PREPL: variants seen among roughly 807,000 people sequenced by gnomAD.
PREPL encodes prolyl endopeptidase-like.
PREPL carries 77 observed loss-of-function variants against 70.6 expected under a neutral mutation model. The ratio of observed to expected loss-of-function variants is 1.09; its 90% CI spans 0.91 to 1.32. The LOEUF is 1.32. Among genes scored for constraint, PREPL ranks in the 40% most tolerant of loss-of-function variants. The pLI, the probability that PREPL is intolerant of heterozygous loss-of-function variation, is 0.00. For missense variants in PREPL, 1,002 were observed against 778.2 expected (o/e 1.29, Z -3.42); for synonymous variants, 315 against 264.8 (o/e 1.19, Z -1.84).
chr2:44,344,321 G>A lies in PREPL; in HGVS notation c.142+199C>T, dbSNP rs145179823. ...AGATGCTCAAAAAATGCTGGATGCC[G>A]TCTCCATTCTCCCTGCCAAAGCTTC... On this transcript the variant is annotated intron_variant, in intron 3 of 13. Coordinates refer to ENST00000409411, the MANE Select transcript of PREPL (RefSeq NM_001171613.2). 3.7e-3 allele frequency among the ~76,000 whole-genome samples: 558 copies of A among 152,034 alleles called. 10 individuals are homozygous for A. Among genetic ancestry groups the A allele is most frequent in the East Asian group, 0.017 (89 of 5,170 alleles).
chr2:44,333,706 T>G (rs1303735323), intron 7 of PREPL, among the ~76,000 whole-genome samples: 2 of 152,204 alleles, frequency 1.3e-5, no homozygotes, highest in Non-Finnish European at 2.9e-5. Context: ...TGTATGCTTC[T>G]CACATTGAGG....
chr2:44,328,840 A>T, intron 9 of PREPL, 97 bp downstream of exon 9: 1 of 1,253,972 alleles, frequency 8.0e-7, no homozygotes, highest in Non-Finnish European at 1.1e-6. Flanking sequence ...AATAAGAATG[A>T]AAAAAATAAG....
chr2:44,326,761 C>A lies in PREPL; in HGVS notation c.1430G>T (p.Gly477Val). 6.2e-7 allele frequency: 1 copy of A among 1,614,132 alleles called. No homozygotes were observed. Among genetic ancestry groups the A allele is most frequent in the Non-Finnish European group, 8.5e-7 (1 of 1,180,026 alleles). Residue 477 changes from glycine to valine, a missense_variant, in exon 10 of 14, where the codon GGA becomes GTA. Gly to Val is a moderately radical substitution (Grantham distance 109, BLOSUM62 -3). Coordinates refer to ENST00000409411, the MANE Select transcript of PREPL (RefSeq NM_001171613.2). ...TAFSAGGVLA[G>V]ALCNSNPELV... ...CTCTGGATTAGAATTACACAATGCT[C>A]CTGCAAGCACCCCTCCAGCACTGAA...
chr2:44,331,839 T>C (rs1269629240), intron 8 of PREPL, among the ~76,000 whole-genome samples: 1 of 152,202 alleles, frequency 6.6e-6, no homozygotes, highest in Non-Finnish European at 1.5e-5. Flanking sequence ...CTTCACTATT[T>C]TTGCCATAAC....
At chr2:44,343,301 CT>C (rs1354317043) in intron 4 of PREPL, among the ~76,000 whole-genome samples, 1 of 152,102 alleles carries the variant, frequency 6.6e-6, no homozygotes, top group East Asian at 1.9e-4. Context: ...AATGTCACAG[CT>C]TCCATTGATA....
chr2:44,353,085 TA>T (rs1008503032), intron 1 of PREPL, among the ~76,000 whole-genome samples: 1 of 151,938 alleles, frequency 6.6e-6, no homozygotes, highest in African/African-American at 2.4e-5. Flanking sequence ...TGTCTCTATT[TA>T]AAAAAGTTTT....
At chr2:44,354,233 T>C (rs746133659) in intron 1 of PREPL, among the ~76,000 whole-genome samples, 1 of 152,182 alleles carries the variant, frequency 6.6e-6, no homozygotes, top group Non-Finnish European at 1.5e-5. Flanking sequence ...GTATGTTTTC[T>C]AGCAATAAAA....
chr2:44,355,778 TACAC>T (rs1176913177), intron 1 of PREPL, among the ~76,000 whole-genome samples: 2 of 46,514 alleles, frequency 4.3e-5, no homozygotes, highest in African/African-American at 6.0e-5. Context: ...TATATATATA[TACAC>T]ACACACACAC....
In PREPL at chr2:44,319,994, A is replaced by G; in HGVS notation, c.*1362T>C. 1 of 571,846 alleles carries G rather than the reference A, an allele frequency of 1.7e-6. No homozygotes were observed. Among genetic ancestry groups the G allele is most frequent in the Non-Finnish European group, 3.1e-6 (1 of 322,908 alleles). 35.4% of individuals were successfully genotyped at this position (571,846 alleles called of 1,614,324 possible). ...ACTGTGCGTACTTATTGACTCCCAG[A>G]CAAGCCGAAACCCCGAATTTGTCAT... On this transcript the variant is annotated 3_prime_UTR_variant, in exon 14 of 14. Transcript: ENST00000409411.
chr2:44,327,962 C>T (rs1034149107), intron 9 of PREPL, among the ~76,000 whole-genome samples: 1 of 151,620 alleles, frequency 6.6e-6, no homozygotes. Flanking sequence ...CCAGCCTGGG[C>T]AACATTGGAA....
At chr2:44,329,875 A>G (rs1309248575) in intron 8 of PREPL, among the ~76,000 whole-genome samples, 2 of 152,226 alleles carry the variant, frequency 1.3e-5, no homozygotes, top group Admixed American at 6.5e-5. Flanking sequence ...TTCACACAAA[A>G]AAGATAAAGA....
chr2:44,321,712 A>G, intron 13 of PREPL, 115 bp downstream of exon 13: 1 of 1,591,816 alleles, frequency 6.3e-7, no homozygotes, highest in Non-Finnish European at 8.6e-7. Context: ...TCTCACCCAT[A>G]GATAGGACAT....
Position 44,346,297 on chromosome 2 carries a change from GT to G in PREPL, c.45del (p.Gln16LysfsTer49). ...ACATTGATGATTTCATATTCTTCTT[GT>G]GGCTGTGTTTCTAATTTTGTTCTCA... ...EKVRTKLETQPQEEYEIINVE... is the reference protein window; with the variant it reads ...EKVRTKLETQXQEEYEIINVE... On this transcript the variant is annotated frameshift_variant, in exon 2 of 14. Transcript: ENST00000409411. LOFTEE classifies it high-confidence loss of function. The G allele has an allele frequency of 6.2e-7, 1 of 1,612,352 alleles. No homozygotes were observed. The highest frequency in any genetic ancestry group is 1.1e-5 in the South Asian group (1 of 90,962).
intron 2 of PREPL, among the ~76,000 whole-genome samples, chr2:44,345,024 C>A (rs1675640609): frequency 6.6e-6 from 1 of 152,202 alleles, no homozygotes; most frequent in Admixed American, 6.5e-5. Flanking sequence ...TTCTGAGACT[C>A]CTTCCTTTAA....
Position 44,346,957 on chromosome 2 carries a change from A to G in PREPL, c.-48-567T>C, listed in dbSNP as rs185357097. On this transcript the variant is annotated intron_variant, in intron 1 of 13. Transcript: ENST00000409411. ...TACTTTTTAAATTTTTTAAATTTAAATGGGTCTGAGAACCAAGGGATATAA... is the reference window on the plus strand; with the variant it reads ...TACTTTTTAAATTTTTTAAATTTAAGTGGGTCTGAGAACCAAGGGATATAA... Among the ~76,000 whole-genome samples, 12 of 152,308 alleles carry G rather than the reference A, an allele frequency of 7.9e-5. No homozygotes were observed. The East Asian group carries it at 2.3e-3, about 29-fold the overall frequency.
At position 44,346,253 on chromosome 2, in the gene PREPL, C is replaced by A. The variant is rs376068245; in HGVS notation, c.75+15G>T. 5 of 1,600,768 alleles carry A rather than the reference C, an allele frequency of 3.1e-6. No homozygotes were observed. The highest frequency in any genetic ancestry group is 4.3e-6 in the Non-Finnish European group (5 of 1,175,356). On this transcript the variant is annotated intron_variant, in intron 2 of 13. Transcript: ENST00000409411. ...AATATCAAAAATTTTTTTTTAAAGA[C>A]ATGAGATATCTTACTTCCACATTGA...
At chr2:44,361,758 C>A, upstream of PREPL, 1 of 520,158 alleles carries the variant, frequency 1.9e-6, no homozygotes, top group East Asian at 3.6e-5. Context: ...TGCCACAGCT[C>A]TCTCATCCTC....
At chr2:44,340,114 T>C (rs1572886097) in intron 5 of PREPL, among the ~76,000 whole-genome samples, 1 of 152,082 alleles carries the variant, frequency 6.6e-6, no homozygotes, top group Non-Finnish European at 1.5e-5. Flanking sequence ...TGAAAGTCTT[T>C]GTGATTATTA....
intron 2 of PREPL, among the ~76,000 whole-genome samples, chr2:44,345,312 T>C (rs1202764534): frequency 6.6e-6 from 1 of 152,212 alleles, no homozygotes; most frequent in Non-Finnish European, 1.5e-5. Context: ...TTTTCACCTA[T>C]TGCGGTTCAA....
Sources: allele counts gnomAD v4.1 joint callset (sites outside exome capture counted in the v4.1 genomes callset), GRCh38; gene constraint gnomAD v4.1.1; transcripts MANE v1.5; gene names NCBI Gene and HGNC (gene_info 2026-07-23, HGNC 2026-07-21).